The following WDR6 variants were observed in gnomAD, a reference collection of about 807,000 sequenced individuals.
WDR6 encodes tRNA (34-2'-O)-methyltransferase regulator WDR6.
In WDR6, 58 loss-of-function variants were observed where a neutral mutation model predicts 85.6. The observed-to-expected ratio is 0.68, with a 90% CI of 0.55 to 0.84. The LOEUF is 0.84. WDR6 is among the 40% of genes least tolerant of loss of function. WDR6 has a pLI of 0.00. For synonymous variants in WDR6, 569 were observed against 582.2 expected (o/e 0.98, Z 0.33); for missense variants, 1,310 against 1,476.4 (o/e 0.89, Z 1.85).
chr3:49,009,643 C>G (rs999645044), intron 1 of WDR6, among the ~76,000 whole-genome samples: 37 of 152,210 alleles, frequency 2.4e-4, no homozygotes, highest in African/African-American at 8.7e-4. Context: ...GGAAAGTTGC[C>G]CCCTGTGGAG....
intron 1 of WDR6, chr3:49,011,009 C>CT (rs2093011235): frequency 2.3e-6 from 1 of 432,336 alleles, no homozygotes; most frequent in Non-Finnish European, 4.5e-6. Context: ...GAATGAGACT[C>CT]TGTCTCAAAA....
Position 49,015,428 on chromosome 3 carries a change from A to G in WDR6, c.*140A>G. 7.1e-7 allele frequency: 1 copy of G among 1,409,714 alleles called. No individual in the cohort carries two copies. Among genetic ancestry groups the G allele is most frequent in the Non-Finnish European group, 9.7e-7 (1 of 1,027,984 alleles). 87.3% of individuals were successfully genotyped at this position (1,409,714 alleles called of 1,614,324 possible). ...CGTGGGTTCCTGATGTCGGTGCAGGAGCTGAAGGTGAGTGGAGTGCTGCCA... is the reference window on the plus strand; with the variant it reads ...CGTGGGTTCCTGATGTCGGTGCAGGGGCTGAAGGTGAGTGGAGTGCTGCCA... On this transcript the variant is annotated 3_prime_UTR_variant, in exon 6 of 6. Coordinates refer to ENST00000608424, the MANE Select transcript of WDR6 (RefSeq NM_018031.6).
chr3:49,007,497 G>C lies in WDR6; in HGVS notation c.66G>C (p.Thr22=). 1.2e-6 allele frequency: 2 copies of C among 1,604,134 alleles called. No individual in the cohort carries two copies. Among genetic ancestry groups the C allele is most frequent in the Non-Finnish European group, 1.7e-6 (2 of 1,172,004 alleles). Residue 22 remains threonine (T), a synonymous_variant, in exon 1 of 6, where the codon ACG becomes ACC. Coordinates refer to ENST00000608424, the MANE Select transcript of WDR6 (RefSeq NM_018031.6). This position sits in a 1 kb window ranked among gnomAD's most constrained non-coding sequence, Gnocchi z 5.1. The stretch of plus-strand genomic sequence containing the variant: ...CGGAGCTTATACTCCTCCCAGTGAC[G>C]GGTCTGGAGTGCGTGGGGGACCGGC... The part of the protein sequence containing the change: ...ATSELILLPV[T]GLECVGDRLL...
chr3:49,014,160 T>C lies in WDR6; in HGVS notation c.2582+44T>C. ...CAGGGTGTGGTATGGGTCATGCAGA[T>C]GCTCCCAGGCTTGCAGGCTCCACCT... is the stretch of plus-strand genomic sequence containing the variant. On this transcript the variant is annotated intron_variant, in intron 2 of 5. Transcript: ENST00000608424. The surrounding 1 kb of genome is among the most constrained non-coding windows in gnomAD (Gnocchi z 4.9). 1 of 1,614,126 alleles carries C rather than the reference T, an allele frequency of 6.2e-7. No homozygotes were observed. The highest frequency in any genetic ancestry group is 1.3e-5 in the African/African-American group (1 of 75,050).
At position 49,013,690 on chromosome 3, in the gene WDR6, A is replaced by G. The variant is rs2093031087; in HGVS notation, c.2156A>G (p.Tyr719Cys). The G allele has an allele frequency of 2.5e-6, 4 of 1,614,086 alleles. No homozygotes were observed. The highest frequency in any genetic ancestry group is 3.4e-6 in the Non-Finnish European group (4 of 1,179,972). Residue 719 changes from tyrosine to cysteine, a missense_variant, in exon 2 of 6, where the codon TAT becomes TGT. Physicochemically the swap from Tyr to Cys is radical, Grantham distance 194 (BLOSUM62 -2). Coordinates refer to ENST00000608424, the MANE Select transcript of WDR6 (RefSeq NM_018031.6). This position sits in a 1 kb window ranked among gnomAD's most constrained non-coding sequence, Gnocchi z 4.6. ...GGCACCATTACCCTGGGGCCTGAAT[A>G]TGGAGTGCCCAGCTTCATGCAGCCT... is the stretch of plus-strand genomic sequence containing the variant. ...RVGTITLGPE[Y>C]GVPSFMQPDD...
chr3:49,015,543 T>TTGA lies in WDR6; in HGVS notation c.*259_*261dup, dbSNP rs1387919435. 2 of 1,604,506 alleles carry TTGA rather than the reference T, an allele frequency of 1.2e-6. No homozygotes were observed. Among genetic ancestry groups the TTGA allele is most frequent in the Non-Finnish European group, 1.7e-6 (2 of 1,175,346 alleles). ...CCGTGGGTTTTTGCTTTTTTTCCAG[T>TTGA]TGATGACTTTGTGAACATTCCCAGG... On this transcript the variant is annotated 3_prime_UTR_variant, in exon 6 of 6. Transcript: ENST00000608424.
At chr3:49,011,413 TGA>T in intron 1 of WDR6, 3 of 1,468,032 alleles carry the variant, frequency 2.0e-6, no homozygotes, top group Admixed American at 2.3e-5. Context: ...TTTTTTCTTT[TGA>T]GACAGAGTCT....
intron 1 of WDR6, chr3:49,008,159 A>C (rs2092995183): frequency 6.6e-6 from 1 of 152,508 alleles, no homozygotes; most frequent in Non-Finnish European, 1.5e-5. Context: ...GCAGGGGCTG[A>C]GACCCCCTCC....
Position 49,013,438 on chromosome 3 carries a change from A to T in WDR6, c.1904A>T (p.Asn635Ile). 4 of 1,614,142 alleles carry T rather than the reference A, an allele frequency of 2.5e-6. No homozygotes were observed. Among genetic ancestry groups the T allele is most frequent in the Non-Finnish European group, 2.5e-6 (3 of 1,180,020 alleles). ...GSMVILGFHA[N>I]EFVVWNPRSH... The stretch of plus-strand genomic sequence containing the variant: ...ATGGTTATCCTGGGTTTCCATGCCA[A>T]TGAGTTTGTGGTGTGGAACCCTCGG... Residue 635 changes from asparagine (N) to isoleucine (I), a missense_variant, in exon 2 of 6, where the codon AAT (asparagine) becomes ATT (isoleucine). By Grantham distance (149) the Asn-to-Ile change is moderately radical (BLOSUM62 -3). Coordinates refer to ENST00000608424, the MANE Select transcript of WDR6 (RefSeq NM_018031.6). This position sits in a 1 kb window ranked among gnomAD's most constrained non-coding sequence, Gnocchi z 4.6.
rs763395209 is a variant in WDR6 at position 49,012,029 on chromosome 3, G to T, written c.495G>T (p.Leu165=). Residue 165 remains leucine, a synonymous_variant, in exon 2 of 6, where the codon CTG becomes CTT. Transcript: ENST00000608424. This position sits in a 1 kb window ranked among gnomAD's most constrained non-coding sequence, Gnocchi z 4.4. ...TDRCTLSSAC[L]IGDAWKELTI... ...GGTGCACCCTCTCTTCAGCCTGCCT[G>T]ATTGGAGACGCCTGGAAGGAGCTGA... is the stretch of plus-strand genomic sequence containing the variant. The T allele has an allele frequency of 6.2e-7, 1 of 1,614,042 alleles. No individual in the cohort carries two copies. Among genetic ancestry groups the T allele is most frequent in the African/African-American group, 1.3e-5 (1 of 74,950 alleles).
At position 49,012,989 on chromosome 3, in the gene WDR6, G is replaced by A; in HGVS notation, c.1455G>A (p.Leu485=). ...AIFVKERCRY[L]LPPSKQRWHT... ...TTGTCAAGGAACGTTGTCGGTACCT[G>A]CTGCCCCCAAGCAAGCAGAGATGGC... Residue 485 remains leucine, a synonymous_variant, in exon 2 of 6, where the codon CTG becomes CTA. Transcript: ENST00000608424. This position sits in a 1 kb window ranked among gnomAD's most constrained non-coding sequence, Gnocchi z 4.4. 6 of 1,613,872 alleles carry A rather than the reference G, an allele frequency of 3.7e-6. No homozygotes were observed. The highest frequency in any genetic ancestry group is 5.1e-6 in the Non-Finnish European group (6 of 1,179,938).
Position 49,012,157 on chromosome 3 carries a change from A to G in WDR6, c.623A>G (p.His208Arg), listed in dbSNP as rs530290164. 148 of 1,614,218 alleles carry G rather than the reference A, an allele frequency of 9.2e-5. 2 individuals are homozygous for G. In the South Asian group the frequency reaches 1.6e-3, roughly 17 times the overall value. Residue 208 changes from histidine to arginine, a missense_variant, in exon 2 of 6, where the codon CAT becomes CGT. His to Arg is a conservative substitution (Grantham distance 29, BLOSUM62 0). Coordinates refer to ENST00000608424, the MANE Select transcript of WDR6 (RefSeq NM_018031.6). This position sits in a 1 kb window ranked among gnomAD's most constrained non-coding sequence, Gnocchi z 4.4. The part of the protein sequence containing the change: ...PVAPDRRISG[H>R]VGIIFSMSYL... ...GCACCTGACCGACGAATCAGTGGGC[A>G]TGTGGGCATCATCTTCAGCATGTCA...
chr3:49,013,072 G>C lies in WDR6; in HGVS notation c.1538G>C (p.Gly513Ala). 6.2e-7 allele frequency: 1 copy of C among 1,611,068 alleles called. No homozygotes were observed. The highest frequency in any genetic ancestry group is 2.2e-5 in the East Asian group (1 of 44,790). Reference protein sequence around the residue: ...GDFLVCGDRRGSVLLFPSRPG... With the variant: ...GDFLVCGDRRASVLLFPSRPG... ...TTCCTGGTGTGTGGTGACCGCCGGG[G>C]CTCTGTGCTGCTATTCCCCTCCAGA... Residue 513 changes from glycine to alanine, a missense_variant, in exon 2 of 6, where the codon GGC becomes GCC. By Grantham distance (60) the Gly-to-Ala change is moderately conservative (BLOSUM62 0). Transcript: ENST00000608424. This position sits in a 1 kb window ranked among gnomAD's most constrained non-coding sequence, Gnocchi z 4.6.
rs751327344 is a variant in WDR6 at position 49,013,770 on chromosome 3, T to G, written c.2236T>G (p.Cys746Gly). 6.2e-6 allele frequency: 10 copies of G among 1,613,992 alleles called. No individual in the cohort carries two copies. The highest frequency in any genetic ancestry group is 3.3e-5 in the Admixed American group (2 of 59,996). ...GPDLTDIVITCSEDTTVCVLA... is the reference protein window; with the variant it reads ...GPDLTDIVITGSEDTTVCVLA... ...CGACTTGACTGACATTGTGATCACA[T>G]GTAGTGAGGACACTACTGTCTGTGT... The change falls in exon 2 of 6, where the codon TGT (cysteine) becomes GGT (glycine). Residue 746 changes from cysteine to glycine, a missense_variant. Cys to Gly is a radical substitution (Grantham distance 159). Coordinates refer to ENST00000608424, the MANE Select transcript of WDR6 (RefSeq NM_018031.6). The surrounding 1 kb of genome is among the most constrained non-coding windows in gnomAD (Gnocchi z 4.6).
chr3:49,010,309 G>C (rs1470852319), intron 1 of WDR6, among the ~76,000 whole-genome samples: 1 of 151,968 alleles, frequency 6.6e-6, no homozygotes, highest in Non-Finnish European at 1.5e-5. Flanking sequence ...GGGAGGCTGA[G>C]GCAGGAGGAT....
Position 49,012,483 on chromosome 3 carries a change from G to C in WDR6, c.949G>C (p.Gly317Arg). Residue 317 changes from glycine to arginine, a missense_variant, in exon 2 of 6, where the codon GGT becomes CGT. By Grantham distance (125) the Gly-to-Arg change is moderately radical. Coordinates refer to ENST00000608424, the MANE Select transcript of WDR6 (RefSeq NM_018031.6). This position sits in a 1 kb window ranked among gnomAD's most constrained non-coding sequence, Gnocchi z 4.4. ...HERQAWVITG[G>R]DDSGIRLWHL... ...GAGGCAGGCCTGGGTGATCACTGGGGGTGATGACTCAGGCATTCGGCTGTG... is the reference window on the plus strand; with the variant it reads ...GAGGCAGGCCTGGGTGATCACTGGGCGTGATGACTCAGGCATTCGGCTGTG... 6.2e-7 allele frequency: 1 copy of C among 1,614,162 alleles called. No homozygotes were observed.
intron 1 of WDR6, chr3:49,009,136 C>T (rs1031936970): frequency 6.6e-6 from 1 of 152,220 alleles, no homozygotes; most frequent in Admixed American, 6.5e-5. Flanking sequence ...CCTGCCTCAG[C>T]CCCCCAAATT....
In WDR6 at chr3:49,014,523, C is replaced by A; in HGVS notation, c.2783+24C>A. On this transcript the variant is annotated intron_variant, in intron 4 of 5. Coordinates refer to ENST00000608424, the MANE Select transcript of WDR6 (RefSeq NM_018031.6). The surrounding 1 kb of genome is among the most constrained non-coding windows in gnomAD (Gnocchi z 4.9). ...CGGTGAGAGGGGCTGGATGATGGTC[C>A]TGCATGGGCTGGGTTGGGGGGTTCC... The A allele has an allele frequency of 6.2e-7, 1 of 1,613,846 alleles. No homozygotes were observed. Among genetic ancestry groups the A allele is most frequent in the Middle Eastern group, 1.6e-4 (1 of 6,062 alleles).
chr3:49,007,881 T>G lies in WDR6; in HGVS notation c.100+350T>G, dbSNP rs1576611138. Among the ~76,000 whole-genome samples the G allele has an allele frequency of 6.1e-5, 2 of 32,664 alleles. No individual in the cohort carries two copies. Among genetic ancestry groups the G allele is most frequent in the Non-Finnish European group, 1.1e-4 (2 of 17,754 alleles). The allele number at this position is 32,664 out of a possible 152,430, so 21.4% of individuals were successfully genotyped here. A position where few individuals can be genotyped will look rare whatever the true frequency, so the allele number is the denominator to read the frequency against. ...AGGGGGTGTGCTCCCTTCTAGGAGA[T>G]GGGCGGGGGCTTGGCCTCTCCGAAG... On this transcript the variant is annotated intron_variant, in intron 1 of 5. Transcript: ENST00000608424. The surrounding 1 kb of genome is among the most constrained non-coding windows in gnomAD (Gnocchi z 5.1).
Sources: gnomAD v4.1 joint callset for allele counts (sites outside exome capture counted in the v4.1 genomes callset) on GRCh38, gnomAD v4.1.1 for gene constraint, Gnocchi (gnomAD v3.1) non-coding constraint, MANE v1.5 for transcripts, NCBI Gene and HGNC (gene_info 2026-07-23, HGNC 2026-07-21) for gene names.